GALNT13: variants seen among roughly 807,000 people sequenced by gnomAD.
GALNT13 encodes the protein UDP-GalNAc:polypeptide N-acetylgalactosaminyltransferase 13.
GALNT13 carries 28 observed loss-of-function variants against 64.2 expected under a neutral mutation model. That is an observed-to-expected ratio of 0.44 (90% CI 0.32 to 0.60). The LOEUF (loss-of-function observed/expected upper bound fraction) is 0.60. Ranked by LOEUF, GALNT13 falls within the 20% of genes least tolerant of loss-of-function variation. GALNT13 has a pLI of 0.05. For synonymous variants in GALNT13, 214 were observed against 224.6 expected (o/e 0.95, Z 0.42); for missense variants, 577 against 669.8 (o/e 0.86, Z 1.53).
intron 3 of GALNT13, among the ~76,000 whole-genome samples, chr2:154,133,169 A>T (rs1302559079): frequency 2.6e-5 from 4 of 152,136 alleles, no homozygotes; most frequent in South Asian, 2.1e-4. Flanking sequence ...GTGATCCATG[A>T]TTGTACAGCA....
chr2:154,152,521 A>C (rs952005863), intron 4 of GALNT13, among the ~76,000 whole-genome samples: 3 of 152,114 alleles, frequency 2.0e-5, no homozygotes, highest in East Asian at 1.9e-4. Flanking sequence ...TATCCTGCAG[A>C]GTGTTTTCCA....
chr2:153,263,404 TAAAC>T, the GALNT13 span, among the ~76,000 whole-genome samples: 1 of 152,126 alleles, frequency 6.6e-6, no homozygotes, highest in Non-Finnish European at 1.5e-5. Flanking sequence ...CAATTCCTGT[TAAAC>T]TACCATTGAC....
chr2:154,046,309 G>A lies in GALNT13; in HGVS notation c.143-94028G>A, dbSNP rs574495058. ...CACCGAGTACAGTCTAGATGACAGA[G>A]CAAGACTTTAAAAAATTAAAATTGA... is the stretch of plus-strand genomic sequence containing the variant. On this transcript the variant is annotated intron_variant, in intron 3 of 12. Transcript: ENST00000392825. Among the ~76,000 whole-genome samples, 17 of 152,202 alleles carry A rather than the reference G, an allele frequency of 1.1e-4. No individual in the cohort carries two copies. The South Asian group carries it at 3.5e-3, about 32-fold the overall frequency.
At chr2:154,267,233 G>A (rs1480549659) in intron 8 of GALNT13, among the ~76,000 whole-genome samples, 2 of 152,034 alleles carry the variant, frequency 1.3e-5, no homozygotes, top group East Asian at 1.9e-4. Flanking sequence ...AGAAAACATA[G>A]GAGAAGAACT....
At chr2:154,246,896 C>A (rs1008410234) in intron 7 of GALNT13, among the ~76,000 whole-genome samples, 5 of 151,974 alleles carry the variant, frequency 3.3e-5, no homozygotes, top group African/African-American at 7.2e-5. Context: ...TACTCGAGGA[C>A]CTTTTGTTTG....
the GALNT13 span, among the ~76,000 whole-genome samples, chr2:153,815,830 C>A: frequency 1.3e-5 from 2 of 152,100 alleles, no homozygotes; most frequent in Non-Finnish European, 2.9e-5. Flanking sequence ...AAGGTTTATT[C>A]TTTTGTATTA....
intron 3 of GALNT13, among the ~76,000 whole-genome samples, chr2:154,131,336 A>G (rs930822262): frequency 9.2e-5 from 14 of 152,210 alleles, no homozygotes; most frequent in African/African-American, 3.4e-4. Context: ...ATAGTAATAT[A>G]GGAGTATGCT....
chr2:153,680,559 T>C, the GALNT13 span, among the ~76,000 whole-genome samples: 1 of 151,840 alleles, frequency 6.6e-6, no homozygotes, highest in Non-Finnish European at 1.5e-5. Context: ...CAAACATATA[T>C]ATATCTTTAA....
the GALNT13 span, among the ~76,000 whole-genome samples, chr2:153,547,948 T>G: frequency 2.6e-5 from 4 of 152,180 alleles, no homozygotes; most frequent in Non-Finnish European, 5.9e-5. Flanking sequence ...TGGAAAGAGA[T>G]AATGCTTGGA....
intron 3 of GALNT13, among the ~76,000 whole-genome samples, chr2:154,041,527 C>T (rs1698976397): frequency 1.4e-5 from 2 of 140,334 alleles, no homozygotes; most frequent in Non-Finnish European, 3.3e-5. Flanking sequence ...GTTAAATTCA[C>T]ACACAAGAAA....
chr2:154,286,386 G>A (rs74570375), intron 8 of GALNT13, among the ~76,000 whole-genome samples: 6,342 of 152,212 alleles, frequency 0.042, 191 homozygotes, highest in Non-Finnish European at 0.059. Context: ...TAAACATAAA[G>A]CGATATTGAA....
chr2:153,271,077 C>T, the GALNT13 span, among the ~76,000 whole-genome samples: 1 of 152,016 alleles, frequency 6.6e-6, no homozygotes, highest in Admixed American at 6.6e-5. Flanking sequence ...CCCCTTCATG[C>T]CAAAAACTCT....
chr2:153,106,160 C>T, the GALNT13 span, among the ~76,000 whole-genome samples: 1 of 152,128 alleles, frequency 6.6e-6, no homozygotes, highest in South Asian at 2.1e-4. Context: ...CAGTTGAGCT[C>T]TGTGATTCCA....
the GALNT13 span, among the ~76,000 whole-genome samples, chr2:153,800,150 C>G: frequency 6.6e-6 from 1 of 151,346 alleles, no homozygotes; most frequent in South Asian, 2.1e-4. Flanking sequence ...CAGACCACTG[C>G]ACACTTCAAT....
At chr2:153,244,736 G>A in the GALNT13 span, among the ~76,000 whole-genome samples, 1 of 152,190 alleles carries the variant, frequency 6.6e-6, no homozygotes, top group Admixed American at 6.5e-5. Context: ...TTGAAACCCA[G>A]GTGCCTGGTG....
At chr2:153,815,413 G>C in the GALNT13 span, among the ~76,000 whole-genome samples, 23 of 152,190 alleles carry the variant, frequency 1.5e-4, no homozygotes, top group Non-Finnish European at 2.5e-4. Flanking sequence ...GGAACATTTG[G>C]GGGATGTAAA....
At chr2:154,086,406 G>A (rs921567100) in intron 3 of GALNT13, among the ~76,000 whole-genome samples, 5 of 147,608 alleles carry the variant, frequency 3.4e-5, no homozygotes, top group Admixed American at 1.4e-4. Context: ...TTTACATTAT[G>A]TAAATATATA....
chr2:154,047,502 G>C (rs1317307645), intron 3 of GALNT13, among the ~76,000 whole-genome samples: 2 of 152,154 alleles, frequency 1.3e-5, no homozygotes, highest in Non-Finnish European at 2.9e-5. Flanking sequence ...GGGTAACAAT[G>C]AGTGAGATAA....
the GALNT13 span, among the ~76,000 whole-genome samples, chr2:153,175,933 T>G: frequency 2.6e-5 from 4 of 152,104 alleles, no homozygotes; most frequent in African/African-American, 9.7e-5. Context: ...GGGTCATAAC[T>G]AACAGGAGGC....
Sources: allele counts gnomAD v4.1 joint callset (sites outside exome capture counted in the v4.1 genomes callset), GRCh38; gene constraint gnomAD v4.1.1; transcripts MANE v1.5; gene names NCBI Gene and HGNC (gene_info 2026-07-23, HGNC 2026-07-21).